NELL1: variants seen among roughly 807,000 people sequenced by gnomAD.
The protein encoded by NELL1 is protein kinase C-binding protein NELL1.
In NELL1, 76 loss-of-function variants were observed where a neutral mutation model predicts 107.4. The ratio of observed to expected loss-of-function variants is 0.71; its 90% CI spans 0.59 to 0.86. The LOEUF (loss-of-function observed/expected upper bound fraction) is 0.86. NELL1 is among the 40% of genes least tolerant of loss of function. The pLI is 0.00. For synonymous variants in NELL1, 353 were observed against 341.2 expected (o/e 1.03, Z -0.38); for missense variants, 1,024 against 1,005.5 (o/e 1.02, Z -0.25).
chr11:21,492,354 A>G (rs559933877), intron 15 of NELL1, among the ~76,000 whole-genome samples: 2 of 152,252 alleles, frequency 1.3e-5, no homozygotes, highest in Non-Finnish European at 2.9e-5. Context: ...TCAGGGATCT[A>G]GAACTAGAAA....
chr11:20,986,383 C>A (rs372836749), intron 12 of NELL1, among the ~76,000 whole-genome samples: 3 of 152,296 alleles, frequency 2.0e-5, no homozygotes, highest in African/African-American at 7.2e-5. Context: ...TTGCATTTTT[C>A]AGCTGGCCAT....
At chr11:20,934,769 A>G (rs1211950421) in intron 9 of NELL1, among the ~76,000 whole-genome samples, 6 of 152,212 alleles carry the variant, frequency 3.9e-5, no homozygotes, top group African/African-American at 1.2e-4. Context: ...TTAGACAGGA[A>G]TTCCAGACCT....
chr11:20,706,081 G>C (rs1448852216), intron 2 of NELL1, among the ~76,000 whole-genome samples: 1 of 152,166 alleles, frequency 6.6e-6, no homozygotes, highest in Non-Finnish European at 1.5e-5. Context: ...CTGTAAACTA[G>C]TTCAACCATT....
At chr11:21,571,209 A>G (rs1008037617) in intron 18 of NELL1, among the ~76,000 whole-genome samples, 10 of 151,884 alleles carry the variant, frequency 6.6e-5, no homozygotes, top group African/African-American at 2.4e-4. Context: ...GATCAAGAAA[A>G]ATCTCTGCAA....
intron 15 of NELL1, among the ~76,000 whole-genome samples, chr11:21,416,695 G>A (rs1223120481): frequency 6.6e-6 from 1 of 151,934 alleles, no homozygotes; most frequent in Non-Finnish European, 1.5e-5. Context: ...AACAGCAATT[G>A]GGTCTTCAGA....
intron 15 of NELL1, among the ~76,000 whole-genome samples, chr11:21,510,055 G>C (rs965050720): frequency 6.6e-6 from 1 of 152,180 alleles, no homozygotes; most frequent in African/African-American, 2.4e-5. Flanking sequence ...ATACCTGGGG[G>C]CTAAGGCCTA....
chr11:20,762,847 C>T (rs1253636833), intron 2 of NELL1, among the ~76,000 whole-genome samples: 1 of 151,954 alleles, frequency 6.6e-6, no homozygotes, highest in East Asian at 1.9e-4. Context: ...TATGGGGGGA[C>T]TTGAGGGAAT....
intron 4 of NELL1, among the ~76,000 whole-genome samples, chr11:20,861,664 G>A (rs1407245059): frequency 6.6e-6 from 1 of 152,218 alleles, no homozygotes; most frequent in Non-Finnish European, 1.5e-5. Flanking sequence ...GGTGCTCTGA[G>A]CAGGGTCATA....
At chr11:21,231,601 A>G (rs955476346) in intron 14 of NELL1, among the ~76,000 whole-genome samples, 7 of 152,208 alleles carry the variant, frequency 4.6e-5, no homozygotes, top group African/African-American at 1.7e-4. Context: ...GTTACCTCAT[A>G]AAATAATATT....
At chr11:21,061,332 G>A (rs1053909014) in intron 12 of NELL1, among the ~76,000 whole-genome samples, 2 of 152,194 alleles carry the variant, frequency 1.3e-5, no homozygotes, top group Non-Finnish European at 2.9e-5. Context: ...TGACTGGAGT[G>A]GAGTGACAGT....
At chr11:21,364,387 G>A (rs1851162694) in intron 14 of NELL1, among the ~76,000 whole-genome samples, 1 of 131,936 alleles carries the variant, frequency 7.6e-6, no homozygotes, top group South Asian at 2.6e-4. Context: ...TTCCAGCCTG[G>A]GAGACACAGC....
intron 3 of NELL1, among the ~76,000 whole-genome samples, chr11:20,835,616 A>C (rs1848520859): frequency 6.6e-6 from 1 of 152,228 alleles, no homozygotes; most frequent in Non-Finnish European, 1.5e-5. Flanking sequence ...TTTGTGTTAA[A>C]GAGGTGGGAC....
At chr11:20,739,251 G>C (rs1855832450) in intron 2 of NELL1, among the ~76,000 whole-genome samples, 1 of 152,164 alleles carries the variant, frequency 6.6e-6, no homozygotes, top group South Asian at 2.1e-4. Flanking sequence ...CACCTTCCAG[G>C]GCCCGTTGAC....
At chr11:20,745,356 AAT>A (rs1440961624) in intron 2 of NELL1, among the ~76,000 whole-genome samples, 5 of 152,200 alleles carry the variant, frequency 3.3e-5, no homozygotes, top group Admixed American at 2.6e-4. Context: ...TTACAATCTA[AAT>A]GGATAATTAT....
Position 20,869,964 on chromosome 11 carries a change from G to A in NELL1, c.507-15480G>A, listed in dbSNP as rs59446538. Among the ~76,000 whole-genome samples, 804 of 152,300 alleles carry A rather than the reference G, an allele frequency of 5.3e-3. 8 individuals are homozygous for A. Among genetic ancestry groups the A allele is most frequent in the African/African-American group, 0.019 (776 of 41,556 alleles). On this transcript the variant is annotated intron_variant, in intron 4 of 19. Coordinates refer to ENST00000357134, the MANE Select transcript of NELL1 (RefSeq NM_006157.5). ...TAAAAGGTTACCAGATTATCTCATGGAATGGACATAAGGAAAAGGATGTAG... is the reference window on the plus strand; with the variant it reads ...TAAAAGGTTACCAGATTATCTCATGAAATGGACATAAGGAAAAGGATGTAG...
chr11:20,961,581 G>T (rs1285485898), intron 12 of NELL1, among the ~76,000 whole-genome samples: 1 of 152,172 alleles, frequency 6.6e-6, no homozygotes, highest in Non-Finnish European at 1.5e-5. Context: ...ATTAACTGAT[G>T]ATAGTAATGG....
chr11:21,078,948 T>C (rs1157243311), intron 12 of NELL1, among the ~76,000 whole-genome samples: 2 of 151,880 alleles, frequency 1.3e-5, no homozygotes, highest in Non-Finnish European at 2.9e-5. Flanking sequence ...ATGGTATAAT[T>C]AAGTATAAAT....
At chr11:20,719,454 A>T (rs1473034093) in intron 2 of NELL1, among the ~76,000 whole-genome samples, 1 of 151,272 alleles carries the variant, frequency 6.6e-6, no homozygotes, top group African/African-American at 2.4e-5. Flanking sequence ...ACACACACAT[A>T]GTTTTGGAAA....
At chr11:21,162,634 C>T (rs1856397553) in intron 13 of NELL1, among the ~76,000 whole-genome samples, 1 of 152,090 alleles carries the variant, frequency 6.6e-6, no homozygotes, top group Admixed American at 6.6e-5. Flanking sequence ...GAATTAGTTT[C>T]TAAATGAAAT....
Sources: gnomAD v4.1 joint callset for allele counts (sites outside exome capture counted in the v4.1 genomes callset) on GRCh38, gnomAD v4.1.1 for gene constraint, MANE v1.5 for transcripts, NCBI Gene and HGNC (gene_info 2026-07-23, HGNC 2026-07-21) for gene names.